The following GLIS3 variants were observed in gnomAD, a reference collection of about 807,000 sequenced individuals.
GLIS3 encodes the protein GLIS family zinc finger 3, also known as zinc finger protein GLIS3.
GLIS3 carries 53 observed loss-of-function variants against 78.6 expected under a neutral mutation model. The ratio of observed to expected loss-of-function variants is 0.67; its 90% confidence interval spans 0.54 to 0.85. GLIS3 has a LOEUF of 0.85. GLIS3 is among the 40% of genes least tolerant of loss of function. The pLI, the probability that GLIS3 is intolerant of heterozygous loss-of-function variation, is 0.00. For missense variants in GLIS3, 1,703 were observed against 1,231.1 expected (o/e 1.38, Z -5.74); for synonymous variants, 684 against 509.9 (o/e 1.34, Z -4.60).
At chr9:3,880,637 A>T (rs1210566479) in intron 7 of GLIS3, among the ~76,000 whole-genome samples, 1 of 152,194 alleles carries the variant, frequency 6.6e-6, no homozygotes, top group Non-Finnish European at 1.5e-5. Flanking sequence ...GAGAAGCCAC[A>T]TTATCGAAAA....
intron 2 of GLIS3, among the ~76,000 whole-genome samples, chr9:4,339,953 G>A (rs1272101341): frequency 5.4e-5 from 8 of 149,008 alleles, no homozygotes; most frequent in African/African-American, 2.0e-4. Flanking sequence ...TTCCTAGAGT[G>A]AACTTAAGAG....
the GLIS3 span, among the ~76,000 whole-genome samples, chr9:4,462,520 G>T: frequency 8.4e-3 from 1,278 of 151,904 alleles, 12 homozygotes; most frequent in African/African-American, 0.029. Flanking sequence ...ACTTTGGGAG[G>T]CAGAGGCAGG....
At chr9:4,465,814 T>C in the GLIS3 span, among the ~76,000 whole-genome samples, 1 of 152,170 alleles carries the variant, frequency 6.6e-6, no homozygotes, top group Non-Finnish European at 1.5e-5. Flanking sequence ...CTAAGTAACA[T>C]GTGGTAGATT....
intron 8 of GLIS3, among the ~76,000 whole-genome samples, chr9:3,870,912 T>C (rs1356510279): frequency 1.3e-5 from 2 of 152,194 alleles, no homozygotes; most frequent in Non-Finnish European, 2.9e-5. Flanking sequence ...AAGTCCACCG[T>C]CCAAAGTCTT....
the GLIS3 span, among the ~76,000 whole-genome samples, chr9:4,382,022 C>T: frequency 4.4e-3 from 677 of 152,296 alleles, 4 homozygotes; most frequent in African/African-American, 0.015. Flanking sequence ...CAGTTTCATT[C>T]CCCCAGTTCC....
chr9:4,339,172 G>A (rs1817798486), intron 2 of GLIS3, among the ~76,000 whole-genome samples: 1 of 152,216 alleles, frequency 6.6e-6, no homozygotes, highest in Non-Finnish European at 1.5e-5. Context: ...TGGTGGCATA[G>A]ATAGAATTCT....
chr9:4,310,969 T>A (rs1817342396), intron 2 of GLIS3, among the ~76,000 whole-genome samples: 3 of 152,330 alleles, frequency 2.0e-5, no homozygotes, highest in African/African-American at 7.2e-5. Context: ...TCAGGGTGCA[T>A]CTTCAGATTT....
At chr9:3,994,757 C>T (rs1219037433) in intron 4 of GLIS3, among the ~76,000 whole-genome samples, 2 of 152,174 alleles carry the variant, frequency 1.3e-5, no homozygotes, top group African/African-American at 4.8e-5. Context: ...TTACTTCTTT[C>T]CCCAGCAATA....
rs12005329 is a variant in GLIS3, at chr9:4,332,293, G to T, written n.264+14788C>A. 5.3e-3 allele frequency among the ~76,000 whole-genome samples: 808 copies of T among 152,220 alleles called. 6 individuals are homozygous for T. Among genetic ancestry groups the T allele is most frequent in the African/African-American group, 0.018 (762 of 41,516 alleles). On this transcript the variant is annotated intron_variant and non_coding_transcript_variant, in intron 2 of 4. Transcript: ENST00000471664. ...CAGGTCCAGGTGTAGAATTGGGCTA[G>T]GTTTTGGAGGCAGGGACTGTTAACT...
At chr9:4,046,164 G>T (rs1371207172) in intron 4 of GLIS3, among the ~76,000 whole-genome samples, 1 of 152,178 alleles carries the variant, frequency 6.6e-6, no homozygotes, top group African/African-American at 2.4e-5. Context: ...ATAGAGGGGG[G>T]TGTAAAACTT....
chr9:4,087,505 A>G (rs1289965502), intron 4 of GLIS3, among the ~76,000 whole-genome samples: 1 of 152,186 alleles, frequency 6.6e-6, no homozygotes, highest in African/African-American at 2.4e-5. Flanking sequence ...CTCCAGTGAA[A>G]ATACCCCAAC....
intron 3 of GLIS3, among the ~76,000 whole-genome samples, chr9:4,309,123 T>C (rs1817299054): frequency 6.6e-6 from 1 of 152,204 alleles, no homozygotes; most frequent in African/African-American, 2.4e-5. Context: ...CTGCATCATC[T>C]CCGAATTGTT....
chr9:3,950,413 T>A (rs916766788), intron 4 of GLIS3, among the ~76,000 whole-genome samples: 1 of 152,218 alleles, frequency 6.6e-6, no homozygotes, highest in Admixed American at 6.5e-5. Context: ...GGCTCATACA[T>A]CTTGCTTGAT....
chr9:4,201,715 A>G (rs1458242116), intron 2 of GLIS3, among the ~76,000 whole-genome samples: 1 of 152,224 alleles, frequency 6.6e-6, no homozygotes, highest in Non-Finnish European at 1.5e-5. Flanking sequence ...AAAACATTCT[A>G]TGCTCATGGA....
the GLIS3 span, among the ~76,000 whole-genome samples, chr9:4,474,995 CT>C: frequency 0.054 from 4,406 of 81,264 alleles, 173 homozygotes; most frequent in African/African-American, 0.15. Flanking sequence ...ATTTTTTTTT[CT>C]TTTTTTTTTT....
At chr9:4,449,465 AG>A in the GLIS3 span, among the ~76,000 whole-genome samples, 1 of 152,206 alleles carries the variant, frequency 6.6e-6, no homozygotes, top group African/African-American at 2.4e-5. Context: ...TGAAGAGAGC[AG>A]TGGTTCTACC....
the GLIS3 span, among the ~76,000 whole-genome samples, chr9:4,396,367 G>A: frequency 6.6e-6 from 1 of 152,084 alleles, no homozygotes; most frequent in Non-Finnish European, 1.5e-5. Flanking sequence ...TGACTCAAGT[G>A]ATCTGCCCAC....
chr9:3,991,739 G>A (rs548053619), intron 4 of GLIS3, among the ~76,000 whole-genome samples: 2 of 138,338 alleles, frequency 1.4e-5, no homozygotes, highest in South Asian at 2.4e-4. Flanking sequence ...CGCCCAGGCT[G>A]GAGTGCAGTG....
chr9:4,042,098 C>G (rs10123074), intron 4 of GLIS3, among the ~76,000 whole-genome samples: 1 of 152,082 alleles, frequency 6.6e-6, no homozygotes, highest in Non-Finnish European at 1.5e-5. Context: ...GAATAGAACG[C>G]ACGTTAATCA....
Sources: allele counts gnomAD v4.1 joint callset (sites outside exome capture counted in the v4.1 genomes callset), GRCh38; gene constraint gnomAD v4.1.1; transcripts MANE v1.5; gene names NCBI Gene and HGNC (gene_info 2026-07-23, HGNC 2026-07-21).